CAMTA1: variants seen among roughly 807,000 people sequenced by gnomAD.
CAMTA1 encodes the protein calmodulin binding transcription activator 1.
In CAMTA1, 27 loss-of-function variants were observed where a neutral mutation model predicts 170.9. The observed-to-expected ratio is 0.16, with a 90% confidence interval of 0.12 to 0.22. CAMTA1 has a LOEUF of 0.22. Ranked by LOEUF, CAMTA1 falls within the 10% of genes least tolerant of loss-of-function variation. CAMTA1 has a pLI of 1.00. For synonymous variants in CAMTA1, 833 were observed against 891.5 expected, an observed-to-expected ratio of 0.93 and a Z score of 1.17; for missense variants, 1,619 against 2,217.2, an observed-to-expected ratio of 0.73 and a Z score of 5.42.
At chr1:6,933,636 G>A (rs1684808920) in intron 3 of CAMTA1, among the ~76,000 whole-genome samples, 1 of 151,690 alleles carries the variant, frequency 6.6e-6, no homozygotes, top group Non-Finnish European at 1.5e-5. Flanking sequence ...TAAAGCATAT[G>A]GTGTGAGGTA....
At chr1:6,928,880 G>C (rs989632592) in intron 3 of CAMTA1, among the ~76,000 whole-genome samples, 5 of 152,212 alleles carry the variant, frequency 3.3e-5, no homozygotes, top group African/African-American at 1.2e-4. Flanking sequence ...TGCAGGCAGA[G>C]ACCACGTCCA....
rs545448923 is a variant in CAMTA1, at chr1:7,499,786, AGT to A, written c.510+31893_510+31894del. ...CCTGTTGTGAGTGTGTGTGTCCATGAGTGTGTGTGGAGAGGATTGTGTGAGCC... is the reference window on the plus strand; with the variant it reads ...CCTGTTGTGAGTGTGTGTGTCCATGAGTGTGTGGAGAGGATTGTGTGAGCC... On this transcript the variant is annotated intron_variant, in intron 6 of 22. Transcript: ENST00000303635. Among the ~76,000 whole-genome samples, 36 of 47,442 alleles carry A rather than the reference AGT, an allele frequency of 7.6e-4. 1 individual carries two copies. Among genetic ancestry groups the A allele is most frequent in the Middle Eastern group, 0.023 (1 of 44 alleles). The allele number at this position is 47,442 out of a possible 152,430, so 31.1% of individuals were successfully genotyped here.
At chr1:7,630,937 G>T (rs1257851470) in intron 6 of CAMTA1, among the ~76,000 whole-genome samples, 1 of 152,202 alleles carries the variant, frequency 6.6e-6, no homozygotes, top group Non-Finnish European at 1.5e-5. Context: ...GGGCACCAGG[G>T]CCCCTCTTTC....
At chr1:6,895,914 C>A (rs775750397) in intron 3 of CAMTA1, among the ~76,000 whole-genome samples, 3 of 152,200 alleles carry the variant, frequency 2.0e-5, no homozygotes, top group Non-Finnish European at 4.4e-5. Context: ...AGCTCTTCCC[C>A]ATCCTATTAG....
At chr1:7,632,541 A>AT (rs2148869857) in intron 6 of CAMTA1, among the ~76,000 whole-genome samples, 1 of 152,330 alleles carries the variant, frequency 6.6e-6, no homozygotes, top group African/African-American at 2.4e-5. Context: ...TTGCAGCTGC[A>AT]TTTTTCTTTA....
At chr1:7,442,862 T>C (rs534959569) in intron 5 of CAMTA1, among the ~76,000 whole-genome samples, 1 of 152,166 alleles carries the variant, frequency 6.6e-6, no homozygotes, top group Admixed American at 6.5e-5. Context: ...AAAGCAAGCA[T>C]GGTCCCTGCC....
rs1314252661 is a variant in CAMTA1 at position 7,232,665 on chromosome 1, C to T, written c.303-16826C>T. 2.0e-5 allele frequency among the ~76,000 whole-genome samples: 3 copies of T among 152,146 alleles called. No individual in the cohort carries two copies. In the East Asian group the frequency reaches 5.8e-4, roughly 29 times the overall value. ...TCCAGAAACAGGTTGAGAGGGTGCA[C>T]AGACCGGTGTTTGCAGGGGCCGGCT... On this transcript the variant is annotated intron_variant, in intron 4 of 22. Coordinates refer to ENST00000303635, the MANE Select transcript of CAMTA1 (RefSeq NM_015215.4).
At chr1:6,902,078 A>AAAAAC (rs1553180482) in intron 3 of CAMTA1, among the ~76,000 whole-genome samples, 11 of 86,562 alleles carry the variant, frequency 1.3e-4, no homozygotes, top group Non-Finnish European at 2.8e-4. Flanking sequence ...CACACAAAAA[A>AAAAAC]AAAAATAAAA....
At chr1:7,362,977 A>T (rs772013688) in intron 5 of CAMTA1, among the ~76,000 whole-genome samples, 5 of 152,234 alleles carry the variant, frequency 3.3e-5, no homozygotes, top group Non-Finnish European at 7.3e-5. Flanking sequence ...GATAGACTTG[A>T]TGCGTGTGGG....
intron 3 of CAMTA1, among the ~76,000 whole-genome samples, chr1:6,967,871 G>A (rs1407264654): frequency 1.3e-5 from 2 of 152,128 alleles, no homozygotes; most frequent in Admixed American, 6.5e-5. Flanking sequence ...CAGAAAAATC[G>A]GTAGGATCCC....
At chr1:7,061,368 T>G (rs1708180396) in intron 3 of CAMTA1, among the ~76,000 whole-genome samples, 1 of 152,242 alleles carries the variant, frequency 6.6e-6, no homozygotes, top group Non-Finnish European at 1.5e-5. Flanking sequence ...TCCGTTGAAA[T>G]ACCTCTGTGG....
At chr1:7,578,711 G>A (rs2095227318) in intron 6 of CAMTA1, among the ~76,000 whole-genome samples, 1 of 152,150 alleles carries the variant, frequency 6.6e-6, no homozygotes. Flanking sequence ...AGTCCAAGAT[G>A]GACAGATGGC....
At chr1:6,840,042 A>C (rs988669778) in intron 3 of CAMTA1, among the ~76,000 whole-genome samples, 4 of 152,150 alleles carry the variant, frequency 2.6e-5, no homozygotes, top group African/African-American at 9.7e-5. Context: ...CTCTACTAAA[A>C]ATACAAAATT....
chr1:7,239,831 G>A (rs1043045269), intron 4 of CAMTA1, among the ~76,000 whole-genome samples: 7 of 151,874 alleles, frequency 4.6e-5, no homozygotes, highest in East Asian at 1.9e-4. Flanking sequence ...CTACATCATC[G>A]CGTGGTGGAA....
At chr1:6,912,724 A>C (rs1287913368) in intron 3 of CAMTA1, among the ~76,000 whole-genome samples, 1 of 152,162 alleles carries the variant, frequency 6.6e-6, no homozygotes, top group Non-Finnish European at 1.5e-5. Context: ...CTCTCAGCAG[A>C]AGACTACCCC....
intron 5 of CAMTA1, among the ~76,000 whole-genome samples, chr1:7,405,045 G>T (rs1004014894): frequency 1.5e-4 from 23 of 151,920 alleles, no homozygotes; most frequent in African/African-American, 5.6e-4. Context: ...TACCGATTGT[G>T]CCTGGTACTC....
rs200324975 is a variant in CAMTA1 at position 6,830,024 on chromosome 1, T to A, written c.234+4814T>A. 2.1e-4 allele frequency among the ~76,000 whole-genome samples: 32 copies of A among 152,010 alleles called. No individual in the cohort carries two copies. In the East Asian group the frequency reaches 2.9e-3, roughly 14 times the overall value. On this transcript the variant is annotated intron_variant, in intron 3 of 22. Transcript: ENST00000303635. Reference sequence around the variant, plus strand: ...TGTATTTTGATAGTTTTGATTCTTTTTTTATTTATTTATTTTTTATTTTTT... The same window carrying A: ...TGTATTTTGATAGTTTTGATTCTTTATTTATTTATTTATTTTTTATTTTTT...
At chr1:7,487,790 T>C (rs2093637251) in intron 6 of CAMTA1, among the ~76,000 whole-genome samples, 1 of 152,212 alleles carries the variant, frequency 6.6e-6, no homozygotes, top group Non-Finnish European at 1.5e-5. Flanking sequence ...GAGGAAGGGA[T>C]CCCAGGCCCT....
chr1:7,536,483 G>A (rs2094550540), intron 6 of CAMTA1, among the ~76,000 whole-genome samples: 1 of 152,146 alleles, frequency 6.6e-6, no homozygotes, highest in South Asian at 2.1e-4. Context: ...TGACCATTGG[G>A]TGTCCTTAAA....
Sources: gnomAD v4.1 joint callset for allele counts (sites outside exome capture counted in the v4.1 genomes callset) on GRCh38, gnomAD v4.1.1 for gene constraint, MANE v1.5 for transcripts, NCBI Gene and HGNC (gene_info 2026-07-23, HGNC 2026-07-21) for gene names.